Variants in DNAH9 observed in about 807,000 individuals in gnomAD.
DNAH9 encodes the protein DNAH9 variant protein.
In DNAH9, 345 loss-of-function variants were observed where a neutral mutation model predicts 471.6. The observed-to-expected ratio is 0.73, with a 90% CI of 0.67 to 0.80. DNAH9 has a LOEUF of 0.80. Ranked by LOEUF, DNAH9 falls within the 30% of genes least tolerant of loss-of-function variation. The pLI, the probability that DNAH9 is intolerant of heterozygous loss-of-function variation, is 0.00. For synonymous variants in DNAH9, 2,093 were observed against 2,123.6 expected, an observed-to-expected ratio of 0.99 and a Z score of 0.40; for missense variants, 5,407 against 5,609.2, an observed-to-expected ratio of 0.96 and a Z score of 1.15.
intron 50 of DNAH9, among the ~76,000 whole-genome samples, chr17:11,863,529 G>A (rs1353296496): frequency 6.6e-6 from 1 of 152,072 alleles, no homozygotes; most frequent in African/African-American, 2.4e-5. Flanking sequence ...GATGATGCTG[G>A]CCTCATAAAA....
Position 11,669,868 on chromosome 17 carries a change from AT to A in DNAH9, c.3353+80del, listed in dbSNP as rs943786492. ...CACCATGTTTTTAAACCTTTTTTAT[AT>A]TTTTTCCCCATGGGTATGTTGGTTA... On this transcript the variant is annotated intron_variant, in intron 17 of 68. Transcript: ENST00000262442. 22 of 1,310,652 alleles carry A rather than the reference AT, an allele frequency of 1.7e-5. No homozygotes were observed. In the African/African-American group the frequency reaches 2.6e-4, roughly 16 times the overall value. The allele number at this position is 1,310,652 out of a possible 1,614,324, so 81.2% of individuals were successfully genotyped here. A position where few individuals can be genotyped will look rare whatever the true frequency, so the allele number is the denominator to read the frequency against.
chr17:11,601,487 C>T (rs987058314), intron 1 of DNAH9, among the ~76,000 whole-genome samples: 10 of 152,076 alleles, frequency 6.6e-5, no homozygotes, highest in African/African-American at 1.4e-4. Context: ...AGCTTTTGTA[C>T]GTTTAAATTT....
chr17:11,869,205 G>C lies in DNAH9; in HGVS notation c.10005G>C (p.Gln3335His), dbSNP rs1401323722. Residue 3335 changes from glutamine to histidine, a missense_variant, in exon 51 of 69, where the codon CAG (glutamine) becomes CAC (histidine). Transcript: ENST00000262442. ...CAACAGCAGACAAACTCAAATGTCAGCAAGAAGCCGAAGTGACCGCAGTCA... is the reference window on the plus strand; with the variant it reads ...CAACAGCAGACAAACTCAAATGTCACCAAGAAGCCGAAGTGACCGCAGTCA... Reference protein sequence around the residue: ...EKATADKLKCQQEAEVTAVTI... With the variant: ...EKATADKLKCHQEAEVTAVTI... The C allele has an allele frequency of 1.2e-6, 2 of 1,613,878 alleles. No individual in the cohort carries two copies. The highest frequency in any genetic ancestry group is 2.2e-5 in the South Asian group (2 of 91,050).
chr17:11,807,400 G>C (rs1332855524), intron 43 of DNAH9, among the ~76,000 whole-genome samples: 2 of 152,156 alleles, frequency 1.3e-5, no homozygotes, highest in Non-Finnish European at 2.9e-5. Context: ...AGGTGTGGCA[G>C]GGTCAGTTAT....
rs1973166155 is a variant in DNAH9, at chr17:11,894,587, T to C, written c.11406+91T>C. On this transcript the variant is annotated intron_variant, in intron 59 of 68. Transcript: ENST00000262442. The stretch of plus-strand genomic sequence containing the variant: ...CCCATGAAGTCAGCAGGGCTCTCTG[T>C]TGGAGTTCAAGCATGGAGCTGTGTT... 2.6e-6 allele frequency: 4 copies of C among 1,530,080 alleles called. No homozygotes were observed. The African/African-American group carries it at 4.1e-5, about 16-fold the overall frequency. 94.8% of individuals were successfully genotyped at this position (1,530,080 alleles called of 1,614,324 possible). A position where few individuals can be genotyped will look rare whatever the true frequency, so the allele number is the denominator to read the frequency against.
intron 27 of DNAH9, among the ~76,000 whole-genome samples, 160 bp from the exon 28 acceptor site, chr17:11,727,658 A>G (rs1241417004): frequency 6.6e-6 from 1 of 152,226 alleles, no homozygotes; most frequent in Non-Finnish European, 1.5e-5. Flanking sequence ...CCCCATAACC[A>G]TCAAACATTT....
chr17:11,655,901 CACACACACACAT>C (rs755772319), intron 14 of DNAH9, among the ~76,000 whole-genome samples: 53 of 151,154 alleles, frequency 3.5e-4, no homozygotes, highest in African/African-American at 7.1e-4. Context: ...CATATATATA[CACACACACACAT>C]ACACACACAC....
At chr17:11,606,573 T>TGAAGTAGCTG (rs1340945376) in intron 1 of DNAH9, among the ~76,000 whole-genome samples, 38 of 81,094 alleles carry the variant, frequency 4.7e-4, no homozygotes, top group African/African-American at 1.6e-3. Flanking sequence ...CTCAGCCTCC[T>TGAAGTAGCTG]GAAGTAGCTG....
intron 24 of DNAH9, among the ~76,000 whole-genome samples, chr17:11,701,856 A>G (rs2074604461): frequency 6.6e-6 from 1 of 151,714 alleles, no homozygotes; most frequent in African/African-American, 2.4e-5. Context: ...TTTTTTTTGT[A>G]TTTTTGGTAG....
At chr17:11,661,574 G>A (rs1248606178) in intron 14 of DNAH9, among the ~76,000 whole-genome samples, 1 of 151,838 alleles carries the variant, frequency 6.6e-6, no homozygotes, top group Non-Finnish European at 1.5e-5. Context: ...TTCTCAATTG[G>A]CATTTCAGCT....
At chr17:11,852,223 G>C (rs945789695) in intron 49 of DNAH9, among the ~76,000 whole-genome samples, 1 of 152,130 alleles carries the variant, frequency 6.6e-6, no homozygotes, top group African/African-American at 2.4e-5. Context: ...TCTAATTTTT[G>C]AAATCAAGTT....
At chr17:11,797,847 A>C in intron 43 of DNAH9, 54 bp downstream of exon 43, 1 of 1,559,096 alleles carries the variant, frequency 6.4e-7, no homozygotes, top group South Asian at 1.2e-5. Flanking sequence ...TCCCAATGAC[A>C]GGGGTCTCAT....
chr17:11,762,771 T>TTG (rs1567783271), intron 35 of DNAH9, among the ~76,000 whole-genome samples: 2 of 82,794 alleles, frequency 2.4e-5, no homozygotes, highest in Non-Finnish European at 4.9e-5. Flanking sequence ...TTTTTTTTTG[T>TTG]TTTTTTTTTT....
intron 4 of DNAH9, chr17:11,612,249 C>A: frequency 4.0e-6 from 1 of 251,694 alleles, no homozygotes; most frequent in Non-Finnish European, 7.8e-6. Flanking sequence ...TAATCAAGGA[C>A]TACCCTTCTG....
At chr17:11,624,047 G>C (rs1352681818) in intron 6 of DNAH9, among the ~76,000 whole-genome samples, 1 of 152,126 alleles carries the variant, frequency 6.6e-6, no homozygotes, top group Non-Finnish European at 1.5e-5. Flanking sequence ...TGGAGTAATT[G>C]CATTTTCAGG....
intron 6 of DNAH9, among the ~76,000 whole-genome samples, chr17:11,622,465 G>A (rs1305507667): frequency 6.6e-6 from 1 of 152,036 alleles, no homozygotes; most frequent in Non-Finnish European, 1.5e-5. Context: ...CTTTGCTGCT[G>A]TTTAGTGAGA....
chr17:11,865,938 T>C (rs1256619688), intron 50 of DNAH9, among the ~76,000 whole-genome samples: 1 of 152,164 alleles, frequency 6.6e-6, no homozygotes, highest in Non-Finnish European at 1.5e-5. Flanking sequence ...TGTTTCAAAG[T>C]TTTTAACTTC....
intron 20 of DNAH9, among the ~76,000 whole-genome samples, chr17:11,691,254 A>G (rs2150754672): frequency 6.6e-6 from 1 of 152,336 alleles, no homozygotes; most frequent in Non-Finnish European, 1.5e-5. Context: ...AGTAATAGAA[A>G]ACAATTCTGT....
At chr17:11,778,401 G>T (rs1269789613) in intron 38 of DNAH9, among the ~76,000 whole-genome samples, 1 of 149,170 alleles carries the variant, frequency 6.7e-6, no homozygotes, top group Non-Finnish European at 1.5e-5. Flanking sequence ...GGTGCCTGGA[G>T]CAGAGCTTGA....
Sources: allele counts gnomAD v4.1 joint callset (sites outside exome capture counted in the v4.1 genomes callset), GRCh38; gene constraint gnomAD v4.1.1; transcripts MANE v1.5; gene names NCBI Gene and HGNC (gene_info 2026-07-23, HGNC 2026-07-21).